The following ZDHHC15 variants were observed in gnomAD, a reference collection of about 807,000 sequenced individuals.
ZDHHC15 encodes the protein zDHHC palmitoyltransferase 15.
In ZDHHC15, 19 loss-of-function variants were observed where a neutral mutation model predicts 31.7. The ratio of observed to expected loss-of-function variants is 0.60; its 90% CI spans 0.42 to 0.88. The LOEUF (loss-of-function observed/expected upper bound fraction) is 0.88, where lower values mean the gene tolerates loss of function less well. Among genes scored for constraint, ZDHHC15 ranks in the 40% least tolerant of loss-of-function variants. The pLI is 0.00. For missense variants in ZDHHC15, 209 were observed against 251.2 expected, an observed-to-expected ratio of 0.83 and a Z score of 1.14; for synonymous variants, 103 against 90.0, an observed-to-expected ratio of 1.14 and a Z score of -0.82.
chrX:75,484,388 G>C (rs999342646), intron 2 of ZDHHC15, among the ~76,000 whole-genome samples: 1 of 111,866 alleles, frequency 8.9e-6, no homozygotes, highest in Non-Finnish European at 1.9e-5. Context: ...AATAAAAAAA[G>C]GAAAAAGACT....
chrX:75,515,173 T>G (rs1206549310), intron 1 of ZDHHC15, among the ~76,000 whole-genome samples: 2 of 111,532 alleles, frequency 1.8e-5, no homozygotes, highest in Non-Finnish European at 3.8e-5. Flanking sequence ...CCATTTCTTC[T>G]GAAACTACTC....
At chrX:75,467,658 G>A (rs777771217) in intron 3 of ZDHHC15, among the ~76,000 whole-genome samples, 88 of 112,314 alleles carry the variant, frequency 7.8e-4, no homozygotes, top group Admixed American at 2.1e-3. Flanking sequence ...ATCTCACCCA[G>A]GTTAGGGCTA....
intron 9 of ZDHHC15, among the ~76,000 whole-genome samples, chrX:75,420,743 G>C (rs1203989294): frequency 9.0e-6 from 1 of 110,942 alleles, no homozygotes; most frequent in Non-Finnish European, 1.9e-5. Context: ...TCATAAGTGG[G>C]AGTTGATCAA....
chrX:75,401,983 G>A (rs1193142284), intron 10 of ZDHHC15, among the ~76,000 whole-genome samples: 1 of 112,228 alleles, frequency 8.9e-6, no homozygotes, highest in Non-Finnish European at 1.9e-5. Flanking sequence ...CAGCCACATA[G>A]ATGGACATAA....
chrX:75,376,258 G>A (rs370532325), intron 11 of ZDHHC15, among the ~76,000 whole-genome samples: 2 of 92,605 alleles, frequency 2.2e-5, no homozygotes, highest in African/African-American at 7.8e-5. Context: ...TAATGGGGTT[G>A]TTTTTTTTTT....
At chrX:75,441,628 T>A (rs2083942103) in intron 4 of ZDHHC15, among the ~76,000 whole-genome samples, 3 of 106,733 alleles carry the variant, frequency 2.8e-5, no homozygotes, top group African/African-American at 1.0e-4. Flanking sequence ...GTTCTTTTTT[T>A]TTTTTTTTTT....
chrX:75,496,806 G>C (rs1429016034), intron 2 of ZDHHC15, among the ~76,000 whole-genome samples: 1 of 111,218 alleles, frequency 9.0e-6, no homozygotes, highest in Non-Finnish European at 1.9e-5. Flanking sequence ...AATAATAATA[G>C]TGACACAACC....
At chrX:75,507,415 A>C (rs1325345689) in intron 1 of ZDHHC15, among the ~76,000 whole-genome samples, 7 of 110,955 alleles carry the variant, frequency 6.3e-5, no homozygotes, top group Non-Finnish European at 1.3e-4. Flanking sequence ...GGACAAAAGG[A>C]CATCTATTCT....
intron 2 of ZDHHC15, among the ~76,000 whole-genome samples, chrX:75,486,290 G>A (rs960169465): frequency 5.3e-5 from 6 of 112,164 alleles, no homozygotes; most frequent in Non-Finnish European, 1.1e-4. Context: ...AGGCACTCAT[G>A]GTCCCCAGCT....
intron 3 of ZDHHC15, among the ~76,000 whole-genome samples, chrX:75,457,989 C>G (rs759793508): frequency 9.0e-6 from 1 of 111,023 alleles, no homozygotes; most frequent in South Asian, 3.8e-4. Context: ...CCTGTGGGTA[C>G]TGAGGAACAA....
intron 4 of ZDHHC15, among the ~76,000 whole-genome samples, chrX:75,436,026 T>C (rs2083847098): frequency 9.0e-6 from 1 of 111,554 alleles, no homozygotes; most frequent in Admixed American, 9.6e-5. Flanking sequence ...TGCTGCTTGT[T>C]ACTGGCCTCT....
intron 2 of ZDHHC15, among the ~76,000 whole-genome samples, chrX:75,503,220 C>T (rs1440077778): frequency 9.0e-6 from 1 of 110,763 alleles, no homozygotes; most frequent in Non-Finnish European, 1.9e-5. Context: ...GATTGTGATT[C>T]AGATGATCTG....
At chrX:75,477,711 C>A (rs1355559937) in intron 3 of ZDHHC15, among the ~76,000 whole-genome samples, 10 of 111,430 alleles carry the variant, frequency 9.0e-5, no homozygotes, top group Admixed American at 8.6e-4. Flanking sequence ...CTAGTGATAT[C>A]TTTTTCTAGC....
chrX:75,406,625 C>T (rs1843088540), intron 10 of ZDHHC15, among the ~76,000 whole-genome samples: 1 of 108,610 alleles, frequency 9.2e-6, no homozygotes, highest in Non-Finnish European at 1.9e-5. Flanking sequence ...CACATACAAC[C>T]TACCAAGGTT....
At chrX:75,384,836 TA>T in intron 10 of ZDHHC15, 1 of 607,568 alleles carries the variant, frequency 1.6e-6, no homozygotes, top group Non-Finnish European at 2.8e-6. Flanking sequence ...TAATAGGTGT[TA>T]AAAAATAAAT....
intron 3 of ZDHHC15, among the ~76,000 whole-genome samples, chrX:75,458,991 C>CAAAAAA (rs775652299): frequency 6.4e-5 from 1 of 15,651 alleles, no homozygotes; most frequent in African/African-American, 1.4e-4. Flanking sequence ...GGCACAGAGA[C>CAAAAAA]AAAAAAAAAA....
In ZDHHC15 at chrX:75,431,534, A is replaced by G. The variant is rs1268655911; in HGVS notation, c.380-14T>C. On this transcript the variant is annotated splice_polypyrimidine_tract_variant and intron_variant, in intron 4 of 11. Transcript: ENST00000373367. The stretch of plus-strand genomic sequence containing the variant: ...AGAATCGTACAGCTATAAAAAAAAA[A>G]ATAAGGTGGTTAGCACTTGTTAGGG... The G allele has an allele frequency of 8.3e-7, 1 of 1,201,162 alleles. No individual in the cohort carries two copies. Among genetic ancestry groups the G allele is most frequent in the African/African-American group, 1.8e-5 (1 of 56,705 alleles).
At chrX:75,430,067 T>C in intron 5 of ZDHHC15, 87 bp from the exon 6 acceptor site, 1 of 996,058 alleles carries the variant, frequency 1.0e-6, no homozygotes, top group Non-Finnish European at 1.4e-6. Flanking sequence ...TTCACCAGTA[T>C]TTTTACATGG....
chrX:75,462,870 C>G (rs933960407), intron 3 of ZDHHC15, among the ~76,000 whole-genome samples: 4 of 110,543 alleles, frequency 3.6e-5, no homozygotes, highest in Non-Finnish European at 7.6e-5. Flanking sequence ...ACTAGAGAAC[C>G]AAGAGCAAAG....
Sources: allele counts gnomAD v4.1 joint callset (sites outside exome capture counted in the v4.1 genomes callset), GRCh38; gene constraint gnomAD v4.1.1; transcripts MANE v1.5; gene names NCBI Gene and HGNC (gene_info 2026-07-23, HGNC 2026-07-21).